CGREF1: variants seen among roughly 807,000 people sequenced by gnomAD.
The protein encoded by CGREF1 is cell growth regulator with EF hand domain protein 1.
CGREF1 carries 16 observed loss-of-function variants against 17.4 expected under a neutral mutation model. The observed-to-expected ratio is 0.92, with a 90% CI of 0.62 to 1.40. The LOEUF (loss-of-function observed/expected upper bound fraction) is 1.40. Among genes scored for constraint, CGREF1 ranks in the 40% most tolerant of loss-of-function variants. The pLI is 0.00. For synonymous variants in CGREF1, 142 were observed against 154.6 expected (o/e 0.92, Z 0.61); for missense variants, 296 against 376.4 (o/e 0.79, Z 1.77).
At chr2:27,109,911 A>AAAAG (rs1671290190) in intron 1 of CGREF1, among the ~76,000 whole-genome samples, 1 of 144,022 alleles carries the variant, frequency 6.9e-6, no homozygotes, top group African/African-American at 2.6e-5. Flanking sequence ...AAAAAAAAAA[A>AAAAG]GCATGTTAAA....
intron 1 of CGREF1, among the ~76,000 whole-genome samples, chr2:27,107,723 A>G (rs2148389152): frequency 6.6e-6 from 1 of 150,672 alleles, no homozygotes; most frequent in East Asian, 2.0e-4. Context: ...TCACGAGGTC[A>G]GGTGATTGAG....
intron 2 of CGREF1, among the ~76,000 whole-genome samples, chr2:27,103,496 C>T (rs1019931360): frequency 6.6e-5 from 10 of 152,052 alleles, no homozygotes; most frequent in African/African-American, 2.2e-4. Context: ...CCTCAGCCTC[C>T]TGAGTAGCTG....
intron 1 of CGREF1, among the ~76,000 whole-genome samples, chr2:27,106,710 G>A (rs930149829): frequency 1.3e-5 from 2 of 152,160 alleles, no homozygotes; most frequent in South Asian, 4.1e-4. Flanking sequence ...TCCACCTCCC[G>A]GGCTCAAGCG....
chr2:27,113,266 G>C (rs1671457250), intron 1 of CGREF1, among the ~76,000 whole-genome samples: 1 of 152,170 alleles, frequency 6.6e-6, no homozygotes, highest in Non-Finnish European at 1.5e-5. Flanking sequence ...AGAAGTTCTG[G>C]CTCCCTGGCC....
At chr2:27,111,562 G>C (rs1258461264) in intron 1 of CGREF1, among the ~76,000 whole-genome samples, 3 of 152,218 alleles carry the variant, frequency 2.0e-5, no homozygotes, top group Non-Finnish European at 4.4e-5. Flanking sequence ...CGTGGAGCAG[G>C]GGGTGGCGCT....
In CGREF1 at chr2:27,106,266, G is replaced by T. The variant is rs548098557; in HGVS notation, c.-11-1889C>A. ...AAGAAATCCTCAACAGTACAAATGTGCAGTGAAAACAGTAATCTGGGGGAA... is the reference window on the plus strand; with the variant it reads ...AAGAAATCCTCAACAGTACAAATGTTCAGTGAAAACAGTAATCTGGGGGAA... On this transcript the variant is annotated intron_variant, in intron 1 of 5. Coordinates refer to ENST00000402394, the MANE Select transcript of CGREF1 (RefSeq NM_006569.6). 1.8e-4 allele frequency among the ~76,000 whole-genome samples: 27 copies of T among 152,340 alleles called. 1 individual carries two copies. The South Asian group carries it at 5.6e-3, about 32-fold the overall frequency.
At chr2:27,115,655 A>G (rs1671539800) in intron 1 of CGREF1, among the ~76,000 whole-genome samples, 1 of 152,198 alleles carries the variant, frequency 6.6e-6, no homozygotes, top group Admixed American at 6.5e-5. Context: ...TAGAACCTTC[A>G]GTGGCTCCCT....
chr2:27,099,744 C>T (rs745505014), downstream of CGREF1: 23 of 1,613,886 alleles, frequency 1.4e-5, no homozygotes, highest in South Asian at 5.5e-5. Flanking sequence ...TTGATGGCAT[C>T]GTGTGAGAGC....
intron 2 of CGREF1, chr2:27,103,093 C>G (rs1214038937): frequency 2.0e-6 from 2 of 985,254 alleles, no homozygotes; most frequent in African/African-American, 3.5e-5. Flanking sequence ...TCAAGCTGCT[C>G]AGGATCTCGT....
Position 27,116,871 on chromosome 2 carries a change from T to TTCTCTCTCTCTCTC in CGREF1, c.-12+1961_-12+1974dup, listed in dbSNP as rs537582075. On this transcript the variant is annotated intron_variant, in intron 1 of 5. Transcript: ENST00000402394. ...GGGATGAGCCACCAGGCCAGGCCTA[T>TTCTCTCTCTCTCTC]TCTCTCTCTCTCTCTCTCTCTCTCT... 5.0e-3 allele frequency among the ~76,000 whole-genome samples: 167 copies of TTCTCTCTCTCTCTC among 33,650 alleles called. 4 individuals carry two copies. Among genetic ancestry groups the TTCTCTCTCTCTCTC allele is most frequent in the Admixed American group, 6.3e-3 (16 of 2,530 alleles). 22.1% of individuals were successfully genotyped at this position (33,650 alleles called of 152,430 possible). A position where few individuals can be genotyped will look rare whatever the true frequency, so the allele number is the denominator to read the frequency against.
intron 1 of CGREF1, among the ~76,000 whole-genome samples, chr2:27,108,636 G>A (rs757197397): frequency 3.3e-5 from 5 of 151,964 alleles, no homozygotes; most frequent in Non-Finnish European, 7.4e-5. Context: ...AAAGCAGTCA[G>A]AAAGAAAAGA....
chr2:27,100,202 G>C, downstream of CGREF1: 1 of 423,716 alleles, frequency 2.4e-6, no homozygotes, highest in Admixed American at 3.5e-5. Flanking sequence ...AACCGTGAGA[G>C]CTCTTCGGGG....
At chr2:27,113,587 G>C (rs747410370) in intron 1 of CGREF1, among the ~76,000 whole-genome samples, 8 of 152,138 alleles carry the variant, frequency 5.3e-5, no homozygotes, top group Admixed American at 1.3e-4. Flanking sequence ...CCCAAAGTTG[G>C]GGGGTATGGG....
chr2:27,099,592 A>C (rs1227168972), downstream of CGREF1: 1 of 1,614,142 alleles, frequency 6.2e-7, no homozygotes. Context: ...GTATGGCAGC[A>C]GGAGGGGAAA....
At chr2:27,111,796 TCGCGCTGGC>T (rs1347106549) in intron 1 of CGREF1, among the ~76,000 whole-genome samples, 2 of 151,984 alleles carry the variant, frequency 1.3e-5, no homozygotes, top group East Asian at 3.9e-4. Context: ...CACCCGGAAC[TCGCGCTGGC>T]CGGCAAGCGC....
chr2:27,099,712 A>C (rs1262799763), downstream of CGREF1: 3 of 1,613,992 alleles, frequency 1.9e-6, no homozygotes, highest in East Asian at 4.5e-5. Flanking sequence ...GGTGGCCGGC[A>C]AGAAGTGTGG....
At chr2:27,115,165 G>GA (rs1012381567) in intron 1 of CGREF1, among the ~76,000 whole-genome samples, 18 of 152,234 alleles carry the variant, frequency 1.2e-4, no homozygotes, top group Non-Finnish European at 2.4e-4. Flanking sequence ...GCTCTCAGAG[G>GA]GGCCCTGTGC....
In CGREF1 at chr2:27,102,163, C is replaced by T. The variant is rs1310522453; in HGVS notation, c.276G>A (p.Leu92=). The change falls in exon 5 of 6, where the codon CTG becomes CTA. Residue 92 remains leucine, a synonymous_variant. Coordinates refer to ENST00000402394, the MANE Select transcript of CGREF1 (RefSeq NM_006569.6). The stretch of plus-strand genomic sequence containing the variant: ...CAGCTGTCAACATGGACAGCAGCTC[C>T]AGGCCATCCAGCTGTCCACTCTGGT... ...DYDQSGQLDG[L]ELLSMLTAAL... is the part of the protein sequence containing the mutation. 6.2e-7 allele frequency: 1 copy of T among 1,612,624 alleles called. No individual in the cohort carries two copies. Among genetic ancestry groups the T allele is most frequent in the South Asian group, 1.1e-5 (1 of 91,022 alleles).
Position 27,101,167 on chromosome 2 carries a change from GGC to G in CGREF1, c.*105_*106del, listed in dbSNP as rs774622620. ...AAAGACCTGATACCTACTGGGACCA[GGC>G]AGGGGGCACAGAGATGGTCCTTGTC... On this transcript the variant is annotated 3_prime_UTR_variant, in exon 6 of 6. Transcript: ENST00000402394. 6.2e-5 allele frequency: 93 copies of G among 1,489,354 alleles called. No homozygotes were observed. The highest frequency in any genetic ancestry group is 1.9e-4 in the Middle Eastern group (1 of 5,150). 92.3% of individuals were successfully genotyped at this position (1,489,354 alleles called of 1,614,324 possible).
Sources: gnomAD v4.1 joint callset for allele counts (sites outside exome capture counted in the v4.1 genomes callset) on GRCh38, gnomAD v4.1.1 for gene constraint, MANE v1.5 for transcripts, NCBI Gene and HGNC (gene_info 2026-07-23, HGNC 2026-07-21) for gene names.